Variants in TTC7B observed in about 807,000 individuals in gnomAD.
TTC7B encodes the protein tetratricopeptide repeat protein 7B.
Under a neutral mutation model 106.8 loss-of-function variants are expected in TTC7B, and 28 were observed. The ratio of observed to expected loss-of-function variants is 0.26; its 90% CI spans 0.19 to 0.36. The LOEUF is 0.36. Ranked by LOEUF, TTC7B falls within the 10% of genes least tolerant of loss-of-function variation. The pLI is 1.00. For missense variants in TTC7B, 862 were observed against 1,076.4 expected (o/e 0.80, Z 2.79); for synonymous variants, 405 against 430.6 (o/e 0.94, Z 0.74).
chr14:90,579,226 C>T (rs960982023), intron 18 of TTC7B, among the ~76,000 whole-genome samples: 2 of 152,194 alleles, frequency 1.3e-5, no homozygotes, highest in African/African-American at 4.8e-5. Context: ...AATCACCCCC[C>T]ACCCCTCTCC....
At chr14:90,677,930 A>G (rs1015741534) in intron 8 of TTC7B, 1 of 409,072 alleles carries the variant, frequency 2.4e-6, no homozygotes, top group Non-Finnish European at 4.8e-6. Context: ...GCTTTTGAAG[A>G]TTTCATTCTA....
intron 5 of TTC7B, among the ~76,000 whole-genome samples, chr14:90,700,762 G>A (rs923935439): frequency 1.3e-5 from 1 of 76,534 alleles, no homozygotes; most frequent in Non-Finnish European, 2.8e-5. Context: ...TTACAACTCC[G>A]GAAAAGCAGA....
At chr14:90,580,254 A>T (rs143020037) in intron 18 of TTC7B, among the ~76,000 whole-genome samples, 117 of 152,370 alleles carry the variant, frequency 7.7e-4, no homozygotes, top group African/African-American at 2.7e-3. Flanking sequence ...AACTAACAAC[A>T]GCAGTAGCTG....
chr14:90,662,001 C>T (rs925781061), intron 9 of TTC7B, among the ~76,000 whole-genome samples: 2 of 152,154 alleles, frequency 1.3e-5, no homozygotes, highest in Admixed American at 6.5e-5. Flanking sequence ...AAAAACAGCC[C>T]CAGTCCTCAT....
intron 15 of TTC7B, among the ~76,000 whole-genome samples, chr14:90,628,423 C>G (rs1884546795): frequency 6.6e-6 from 1 of 152,200 alleles, no homozygotes; most frequent in African/African-American, 2.4e-5. Flanking sequence ...CCTGATTTCT[C>G]CACATGACCC....
chr14:90,553,362 T>G (rs1043840618), intron 19 of TTC7B, among the ~76,000 whole-genome samples: 1 of 152,258 alleles, frequency 6.6e-6, no homozygotes, highest in African/African-American at 2.4e-5. Context: ...AAAAAACCTC[T>G]TATTTTTCTA....
chr14:90,578,048 G>T lies in TTC7B; in HGVS notation c.2310+58C>A. On this transcript the variant is annotated intron_variant, in intron 19 of 19. Coordinates refer to ENST00000328459, the MANE Select transcript of TTC7B (RefSeq NM_001010854.2). The surrounding 1 kb of genome is among the most constrained non-coding windows in gnomAD (Gnocchi z 4.7). Reference sequence around the variant, plus strand: ...GTGTGAGGGTCATGTGCTACCTGCCGCTTCCAAGGGCTGTCCCCATGCCAG... The same window carrying T: ...GTGTGAGGGTCATGTGCTACCTGCCTCTTCCAAGGGCTGTCCCCATGCCAG... 6.5e-7 allele frequency: 1 copy of T among 1,547,420 alleles called. No homozygotes were observed. Among genetic ancestry groups the T allele is most frequent in the East Asian group, 2.4e-5 (1 of 41,982 alleles).
At chr14:90,737,546 GTTTTTT>G (rs71461922) in intron 4 of TTC7B, among the ~76,000 whole-genome samples, 7 of 91,750 alleles carry the variant, frequency 7.6e-5, no homozygotes, top group Non-Finnish European at 1.1e-4. Context: ...GTATGATTCT[GTTTTTT>G]TTTTTTTTTT....
intron 9 of TTC7B, among the ~76,000 whole-genome samples, chr14:90,673,890 A>T (rs1886723706): frequency 6.6e-6 from 1 of 152,208 alleles, no homozygotes; most frequent in Non-Finnish European, 1.5e-5. Context: ...ATCAGTATCC[A>T]TAGAAAAAAA....
intron 1 of TTC7B, among the ~76,000 whole-genome samples, chr14:90,794,236 TTG>T: frequency 7.3e-6 from 1 of 136,500 alleles, no homozygotes; most frequent in African/African-American, 2.7e-5. Context: ...TTTTTTTTTT[TTG>T]AGACGGAGTC....
chr14:90,788,507 G>A (rs1038347679), intron 1 of TTC7B, among the ~76,000 whole-genome samples: 3 of 152,084 alleles, frequency 2.0e-5, no homozygotes, highest in African/African-American at 7.2e-5. Context: ...TCATATATCC[G>A]AAATTGGGAG....
chr14:90,726,786 T>A (rs1436637286), intron 5 of TTC7B, among the ~76,000 whole-genome samples: 1 of 152,234 alleles, frequency 6.6e-6, no homozygotes, highest in Non-Finnish European at 1.5e-5. Context: ...CTGAGGCTAC[T>A]GTTCTGCTTT....
chr14:90,758,602 G>A (rs1890397777), intron 3 of TTC7B, among the ~76,000 whole-genome samples: 1 of 152,250 alleles, frequency 6.6e-6, no homozygotes, highest in South Asian at 2.1e-4. Context: ...CTGCCGAGGG[G>A]CTGCGGGACG....
chr14:90,583,359 G>A (rs1286479), intron 18 of TTC7B, among the ~76,000 whole-genome samples: 7,653 of 152,256 alleles, frequency 0.05, 228 homozygotes, highest in Middle Eastern at 0.075. Flanking sequence ...CTGAATGCTG[G>A]GTGTGGGTCA....
chr14:90,587,558 T>C (rs1891766742), intron 18 of TTC7B, among the ~76,000 whole-genome samples: 1 of 152,162 alleles, frequency 6.6e-6, no homozygotes, highest in Non-Finnish European at 1.5e-5. Context: ...GCAGGCCCCC[T>C]CTGGCTCCCC....
chr14:90,582,004 G>C (rs1455044552), intron 18 of TTC7B, among the ~76,000 whole-genome samples: 1 of 152,214 alleles, frequency 6.6e-6, no homozygotes, highest in Non-Finnish European at 1.5e-5. Flanking sequence ...GATAAGGCCT[G>C]TGACCCTGAC....
At chr14:90,618,105 A>ACCACTTGTCTTGCTGGGAT in intron 15 of TTC7B, 60 bp from the exon 16 acceptor site, 2 of 1,277,312 alleles carry the variant, frequency 1.6e-6, no homozygotes, top group Non-Finnish European at 2.3e-6. Context: ...TCCCCATCCC[A>ACCACTTGTCTTGCTGGGAT]GCAAGACAAG....
chr14:90,795,375 C>T (rs938856941), intron 1 of TTC7B, among the ~76,000 whole-genome samples: 4 of 152,204 alleles, frequency 2.6e-5, no homozygotes, highest in Admixed American at 6.5e-5. Context: ...TCGAATTGTG[C>T]GCAGGAAAGG....
At position 90,600,443 on chromosome 14, in the gene TTC7B, G is replaced by T. The variant is rs192056563; in HGVS notation, c.1967-6817C>A. 6.6e-6 allele frequency among the ~76,000 whole-genome samples: 1 copy of T among 152,250 alleles called. No individual in the cohort carries two copies. Among genetic ancestry groups the T allele is most frequent in the East Asian group, 1.9e-4 (1 of 5,170 alleles). ...ACCAACCATGAGGGCTCCTGCTGTGGGTTCCTCTGATAAATAAATCACCTT... is the reference window on the plus strand; with the variant it reads ...ACCAACCATGAGGGCTCCTGCTGTGTGTTCCTCTGATAAATAAATCACCTT... On this transcript the variant is annotated intron_variant, in intron 17 of 19. Transcript: ENST00000328459. This position sits in a 1 kb window ranked among gnomAD's most constrained non-coding sequence, Gnocchi z 4.3.
Sources: allele counts gnomAD v4.1 joint callset (sites outside exome capture counted in the v4.1 genomes callset), GRCh38; gene constraint gnomAD v4.1.1; non-coding constraint Gnocchi (gnomAD v3.1); transcripts MANE v1.5; gene names NCBI Gene and HGNC (gene_info 2026-07-23, HGNC 2026-07-21).